LRP8: variants seen among roughly 807,000 people sequenced by gnomAD.
LRP8 encodes the protein LDL receptor related protein 8, also known as low-density lipoprotein receptor-related protein 8.
In LRP8, 46 loss-of-function variants were observed where a neutral mutation model predicts 111.6. The observed-to-expected ratio is 0.41, with a 90% CI of 0.33 to 0.53. LRP8 has a LOEUF of 0.53. LRP8 is among the 20% of genes least tolerant of loss of function. The pLI is 0.20. For synonymous variants in LRP8, 464 were observed against 511.2 expected (o/e 0.91, Z 1.24); for missense variants, 959 against 1,297.4 (o/e 0.74, Z 4.01).
intron 2 of LRP8, among the ~76,000 whole-genome samples, chr1:53,312,436 C>G (rs145306289): frequency 6.6e-6 from 1 of 152,304 alleles, no homozygotes; most frequent in African/African-American, 2.4e-5. Context: ...ATGACTATAG[C>G]CCACTGCAAC....
At chr1:53,289,977 C>T (rs1262123387) in intron 2 of LRP8, among the ~76,000 whole-genome samples, 1 of 152,232 alleles carries the variant, frequency 6.6e-6, no homozygotes, top group African/African-American at 2.4e-5. Flanking sequence ...TCCACTGCCA[C>T]TGTCCCCAGG....
intron 2 of LRP8, among the ~76,000 whole-genome samples, chr1:53,297,860 T>A (rs1238678794): frequency 6.6e-6 from 1 of 152,008 alleles, no homozygotes; most frequent in Non-Finnish European, 1.5e-5. Flanking sequence ...GTGGTCCACC[T>A]TTGCCCCAAA....
At chr1:53,281,455 G>A (rs1647107014) in intron 3 of LRP8, among the ~76,000 whole-genome samples, 1 of 152,218 alleles carries the variant, frequency 6.6e-6, no homozygotes, top group South Asian at 2.1e-4. Flanking sequence ...CTCAGCCAAG[G>A]CAGATGCATC....
chr1:53,268,263 G>A (rs1399108509), intron 8 of LRP8: 1 of 152,236 alleles, frequency 6.6e-6, no homozygotes, highest in East Asian at 1.9e-4. Flanking sequence ...GGGGCATGTT[G>A]GAGTGATCTT....
chr1:53,318,669 A>T (rs1274588813), intron 2 of LRP8, among the ~76,000 whole-genome samples: 1 of 151,840 alleles, frequency 6.6e-6, no homozygotes, highest in African/African-American at 2.4e-5. Context: ...TCATTAAATT[A>T]TGGAAGATCC....
Position 53,293,398 on chromosome 1 carries a change from C to A in LRP8, c.245-3709G>T, listed in dbSNP as rs1649141844. 6.6e-6 allele frequency among the ~76,000 whole-genome samples: 1 copy of A among 152,242 alleles called. No individual in the cohort carries two copies. The highest frequency in any genetic ancestry group is 1.5e-5 in the Non-Finnish European group (1 of 68,036). On this transcript the variant is annotated intron_variant, in intron 2 of 18. Transcript: ENST00000306052. This position sits in a 1 kb window ranked among gnomAD's most constrained non-coding sequence, Gnocchi z 4.9. ...TGGACCAGCTTGGAGATTTTCCACTCTGGCTCTGGCCTGGCACCTTTCACC... is the reference window on the plus strand; with the variant it reads ...TGGACCAGCTTGGAGATTTTCCACTATGGCTCTGGCCTGGCACCTTTCACC...
In LRP8 at chr1:53,275,369, G is replaced by A. The variant is rs903371829; in HGVS notation, c.1006+262C>T. The stretch of plus-strand genomic sequence containing the variant: ...CACTCACCAGCTGGGACCTGGACAA[G>A]TGGTGGGGGCTGGACTTCCCAAGTG... On this transcript the variant is annotated intron_variant, in intron 6 of 18. Transcript: ENST00000306052. The surrounding 1 kb of genome is among the most constrained non-coding windows in gnomAD (Gnocchi z 4.4). Among the ~76,000 whole-genome samples the A allele has an allele frequency of 6.6e-6, 1 of 152,178 alleles. No individual in the cohort carries two copies. The highest frequency in any genetic ancestry group is 1.5e-5 in the Non-Finnish European group (1 of 68,024).
At chr1:53,311,874 G>A (rs915273325) in intron 2 of LRP8, among the ~76,000 whole-genome samples, 3 of 152,210 alleles carry the variant, frequency 2.0e-5, no homozygotes, top group Admixed American at 1.3e-4. Flanking sequence ...TGTACAATGG[G>A]TGGAGTCATT....
chr1:53,308,664 C>A (rs772297104), intron 2 of LRP8, among the ~76,000 whole-genome samples: 3 of 152,154 alleles, frequency 2.0e-5, no homozygotes, highest in Non-Finnish European at 2.9e-5. Context: ...ATTCCCTGCT[C>A]ATGTGGGAGG....
Position 53,266,553 on chromosome 1 carries a change from G to C in LRP8, c.1347C>G (p.Leu449=). The C allele has an allele frequency of 6.2e-7, 1 of 1,614,212 alleles. No homozygotes were observed. Among genetic ancestry groups the C allele is most frequent in the Non-Finnish European group, 8.5e-7 (1 of 1,180,048 alleles). Residue 449 remains leucine (L), a synonymous_variant, in exon 9 of 19, where the codon CTC becomes CTG. Transcript: ENST00000306052. This position sits in a 1 kb window ranked among gnomAD's most constrained non-coding sequence, Gnocchi z 5.0. The stretch of plus-strand genomic sequence containing the variant: ...CCACATCTAGTGCCACGACATTCTT[G>C]AGCATGGGGATGAGGCGTGAATAGT... The part of the protein sequence containing the change: ...KRNYSRLIPM[L]KNVVALDVEV...
At chr1:53,300,299 C>A (rs959327038) in intron 2 of LRP8, among the ~76,000 whole-genome samples, 21 of 152,188 alleles carry the variant, frequency 1.4e-4, no homozygotes, top group Non-Finnish European at 2.5e-4. Flanking sequence ...GCAAAACTCT[C>A]CCACCCCTGA....
Position 53,327,531 on chromosome 1 carries a change from C to T in LRP8, c.124+258G>A. On this transcript the variant is annotated intron_variant, in intron 1 of 18. Coordinates refer to ENST00000306052, the MANE Select transcript of LRP8 (RefSeq NM_004631.5). Reference sequence around the variant, plus strand: ...GAACCATGAATGGCCGCCCCTCCGGCAAAGTTCCCCGCTGGCCAAGCCCCC... The same window carrying T: ...GAACCATGAATGGCCGCCCCTCCGGTAAAGTTCCCCGCTGGCCAAGCCCCC... 3 of 416,076 alleles carry T rather than the reference C, an allele frequency of 7.2e-6. No individual in the cohort carries two copies. In the East Asian group the frequency reaches 1.3e-4, roughly 18 times the overall value. 25.8% of individuals were successfully genotyped at this position (416,076 alleles called of 1,614,324 possible).
chr1:53,266,431 C>T lies in LRP8; in HGVS notation c.1427+42G>A. On this transcript the variant is annotated intron_variant, in intron 9 of 18. Coordinates refer to ENST00000306052, the MANE Select transcript of LRP8 (RefSeq NM_004631.5). This position sits in a 1 kb window ranked among gnomAD's most constrained non-coding sequence, Gnocchi z 5.0. The stretch of plus-strand genomic sequence containing the variant: ...CTCCTCACCTGTCACCACCCCTCAC[C>T]CCCACTCTTCATGCCTTGCTGCAGA... 1 of 1,600,482 alleles carries T rather than the reference C, an allele frequency of 6.2e-7. No individual in the cohort carries two copies. Among genetic ancestry groups the T allele is most frequent in the Non-Finnish European group, 8.5e-7 (1 of 1,169,710 alleles).
chr1:53,268,051 T>A (rs1646639890), intron 8 of LRP8: 1 of 152,376 alleles, frequency 6.6e-6, no homozygotes, highest in South Asian at 2.1e-4. Context: ...CTGTGTGTAG[T>A]GATGGAGACT....
chr1:53,252,361 C>T (rs1645925627), intron 16 of LRP8, among the ~76,000 whole-genome samples: 1 of 151,938 alleles, frequency 6.6e-6, no homozygotes, highest in African/African-American at 2.4e-5. Context: ...GAGCCCTGGT[C>T]TTTACAAAAA....
intron 2 of LRP8, among the ~76,000 whole-genome samples, chr1:53,310,307 C>T (rs1652760833): frequency 6.6e-6 from 1 of 152,064 alleles, no homozygotes; most frequent in African/African-American, 2.4e-5. Flanking sequence ...AGCCCTGCCA[C>T]AATCCCATGC....
chr1:53,274,714 C>T, intron 6 of LRP8: 1 of 456,312 alleles, frequency 2.2e-6, no homozygotes, highest in Non-Finnish European at 4.4e-6. Context: ...CTTTCAGAAG[C>T]TCATCCGACC....
chr1:53,247,244 G>T (rs1645754825), intron 18 of LRP8, among the ~76,000 whole-genome samples, 188 bp from the exon 19 acceptor site: 1 of 152,140 alleles, frequency 6.6e-6, no homozygotes, highest in Non-Finnish European at 1.5e-5. Flanking sequence ...GCTTAAGTAG[G>T]GTTTGTTCTG....
rs1413042130 is a variant in LRP8 at position 53,275,066 on chromosome 1, T to C, written c.1006+565A>G. Among the ~76,000 whole-genome samples, 1 of 152,200 alleles carries C rather than the reference T, an allele frequency of 6.6e-6. No homozygotes were observed. Among genetic ancestry groups the C allele is most frequent in the Non-Finnish European group, 1.5e-5 (1 of 68,004 alleles). ...GGGCTGTGGGGATCTGCGTCTCATC[T>C]TGCAGGACTCAGGTCCTAGGAGGAC... is the stretch of plus-strand genomic sequence containing the variant. On this transcript the variant is annotated intron_variant, in intron 6 of 18. Coordinates refer to ENST00000306052, the MANE Select transcript of LRP8 (RefSeq NM_004631.5). The surrounding 1 kb of genome is among the most constrained non-coding windows in gnomAD (Gnocchi z 4.4).
Sources: allele counts gnomAD v4.1 joint callset (sites outside exome capture counted in the v4.1 genomes callset), GRCh38; gene constraint gnomAD v4.1.1; non-coding constraint Gnocchi (gnomAD v3.1); transcripts MANE v1.5; gene names NCBI Gene and HGNC (gene_info 2026-07-23, HGNC 2026-07-21).